The following SIAH3 variants were observed in gnomAD, a reference collection of about 807,000 sequenced individuals.
The protein encoded by SIAH3 is seven in absentia homolog 3.
A neutral mutation model predicts 12.6 loss-of-function variants in SIAH3; 9 were observed. The ratio of observed to expected loss-of-function variants is 0.72; its 90% CI spans 0.43 to 1.25. The LOEUF is 1.25. SIAH3 is among the 50% of genes most tolerant of loss of function. SIAH3 has a pLI of 0.00. For missense variants in SIAH3, 390 were observed against 365.4 expected (o/e 1.07, Z -0.55); for synonymous variants, 154 against 151.1 (o/e 1.02, Z -0.14).
At chr13:45,838,792 AGT>A (rs760611478) in intron 1 of SIAH3, among the ~76,000 whole-genome samples, 4 of 151,512 alleles carry the variant, frequency 2.6e-5, no homozygotes, top group Non-Finnish European at 5.9e-5. Context: ...CTCCTGCTTG[AGT>A]GTTTTTCTCC....
rs1950675615 is a variant in SIAH3 at position 45,826,385 on chromosome 13, A to AGG, written c.135+25109_135+25110insCC. Among the ~76,000 whole-genome samples the AGG allele has an allele frequency of 1.2e-3, 6 of 5,102 alleles. 3 individuals are homozygous for AGG. The highest frequency in any genetic ancestry group is 8.3e-3 in the Admixed American group (4 of 484). The allele number at this position is 5,102 out of a possible 152,430, so 3.3% of individuals were successfully genotyped here. ...GATGGATGGATGGATGAATGAATGG[A>AGG]TGGATGGATGGATGGATGGATGGAT... is the stretch of plus-strand genomic sequence containing the variant. On this transcript the variant is annotated intron_variant, in intron 1 of 1. Coordinates refer to ENST00000400405, the MANE Select transcript of SIAH3 (RefSeq NM_198849.3).
At chr13:45,824,794 C>T (rs1332021796) in intron 1 of SIAH3, among the ~76,000 whole-genome samples, 1 of 151,774 alleles carries the variant, frequency 6.6e-6, no homozygotes, top group African/African-American at 2.4e-5. Context: ...TGCTCTGAGC[C>T]TTATTCCTCA....
intron 1 of SIAH3, among the ~76,000 whole-genome samples, chr13:45,848,884 T>C (rs1382015459): frequency 6.6e-6 from 1 of 152,188 alleles, no homozygotes; most frequent in Non-Finnish European, 1.5e-5. Flanking sequence ...CAGGTTTTAT[T>C]TTTTTCCTTT....
intron 1 of SIAH3, among the ~76,000 whole-genome samples, chr13:45,796,970 C>A (rs1185076004): frequency 6.6e-6 from 1 of 152,160 alleles, no homozygotes; most frequent in Non-Finnish European, 1.5e-5. Context: ...AGGGAGAATT[C>A]CTGCCCCCAG....
chr13:45,843,511 T>C (rs1490321381), intron 1 of SIAH3, among the ~76,000 whole-genome samples: 2 of 152,210 alleles, frequency 1.3e-5, no homozygotes, highest in Non-Finnish European at 2.9e-5. Flanking sequence ...GCATGGCTCC[T>C]GGCTCTGTGA....
chr13:45,793,116 C>T (rs1255358329), intron 1 of SIAH3, among the ~76,000 whole-genome samples: 4 of 152,338 alleles, frequency 2.6e-5, no homozygotes, highest in Middle Eastern at 3.4e-3. Context: ...CCCGCCACCT[C>T]GGATAACCTC....
chr13:45,777,857 G>T lies in SIAH3; in HGVS notation c.*5526C>A, dbSNP rs559838966. 2 of 152,278 alleles carry T rather than the reference G, an allele frequency of 1.3e-5. 1 individual carries two copies. The highest frequency in any genetic ancestry group is 4.1e-4 in the South Asian group (2 of 4,822). The allele number at this position is 152,278 out of a possible 1,614,324, so 9.4% of individuals were successfully genotyped here. ...CCTCACTTCTTCCATCCCTTCCACT[G>T]AAACCACTGGGATCAGAGTAACTGA... is the stretch of plus-strand genomic sequence containing the variant. On this transcript the variant is annotated 3_prime_UTR_variant, in exon 2 of 2. Coordinates refer to ENST00000400405, the MANE Select transcript of SIAH3 (RefSeq NM_198849.3).
At chr13:45,833,485 ACACACACG>A (rs1950707025) in intron 1 of SIAH3, among the ~76,000 whole-genome samples, 4 of 144,086 alleles carry the variant, frequency 2.8e-5, no homozygotes, top group Middle Eastern at 3.4e-3. Context: ...ACATGCACAC[ACACACACG>A]CACACACACA....
At chr13:45,851,458 C>T (rs777635314) in intron 1 of SIAH3, 37 bp downstream of exon 1, 2 of 1,611,974 alleles carry the variant, frequency 1.2e-6, no homozygotes, top group African/African-American at 1.3e-5. Flanking sequence ...GGACTTGAAC[C>T]TGAGCCCGGT....
intron 1 of SIAH3, among the ~76,000 whole-genome samples, chr13:45,848,415 C>A (rs1174422949): frequency 2.0e-5 from 3 of 152,122 alleles, no homozygotes; most frequent in Non-Finnish European, 2.9e-5. Context: ...TTAGGGTGAG[C>A]TTCAGGGGTG....
chr13:45,850,866 A>G (rs1313663212), intron 1 of SIAH3, among the ~76,000 whole-genome samples: 1 of 151,736 alleles, frequency 6.6e-6, no homozygotes, highest in African/African-American at 2.4e-5. Flanking sequence ...CTGCTCCAGT[A>G]CACAGAGCGC....
chr13:45,838,649 T>C (rs73472573), intron 1 of SIAH3, among the ~76,000 whole-genome samples: 10,824 of 152,054 alleles, frequency 0.071, 694 homozygotes, highest in East Asian at 0.36. Context: ...GGCCTTTCCT[T>C]AGGTTTCCTT....
chr13:45,804,650 C>A (rs1346482812), intron 1 of SIAH3, among the ~76,000 whole-genome samples: 1 of 152,096 alleles, frequency 6.6e-6, no homozygotes, highest in Non-Finnish European at 1.5e-5. Flanking sequence ...TCCTTAAGAA[C>A]TGAAACACGA....
rs999896864 is a variant in SIAH3, at chr13:45,777,903, T to G, written c.*5480A>C. ...ACTGATGCACTATTGACCTTGAAGA[T>G]TCTGCCTGCTTCAATGGACTTAGCT... On this transcript the variant is annotated 3_prime_UTR_variant, in exon 2 of 2. Transcript: ENST00000400405. 14 of 152,214 alleles carry G rather than the reference T, an allele frequency of 9.2e-5. No homozygotes were observed. The highest frequency in any genetic ancestry group is 3.4e-4 in the African/African-American group (14 of 41,456). The allele number at this position is 152,214 out of a possible 1,614,324, so 9.4% of individuals were successfully genotyped here.
intron 1 of SIAH3, among the ~76,000 whole-genome samples, chr13:45,809,080 A>C (rs1950607814): frequency 6.6e-6 from 1 of 152,198 alleles, no homozygotes; most frequent in Non-Finnish European, 1.5e-5. Flanking sequence ...TCATAAAAGA[A>C]GTTGATGTGG....
chr13:45,783,493 A>T lies in SIAH3; in HGVS notation c.700T>A (p.Cys234Ser). The change falls in exon 2 of 2, where the codon TGC (cysteine) becomes AGC (serine). Residue 234 changes from cysteine to serine, a missense_variant. Coordinates refer to ENST00000400405, the MANE Select transcript of SIAH3 (RefSeq NM_198849.3). ...GCCAGCGAGGTGTTGAGGACGAGGC[A>T]GTCCCCGTCCGTAATCACCGAGTCC... ...CVDSVITDGD[C>S]LVLNTSLAQL... 1 of 1,614,188 alleles carries T rather than the reference A, an allele frequency of 6.2e-7. No individual in the cohort carries two copies. The highest frequency in any genetic ancestry group is 8.5e-7 in the Non-Finnish European group (1 of 1,180,036).
chr13:45,794,096 C>CTTT (rs11311084), intron 1 of SIAH3, among the ~76,000 whole-genome samples: 14,949 of 146,436 alleles, frequency 0.1, 930 homozygotes, highest in South Asian at 0.16. Context: ...CCTCCTGACA[C>CTTT]TTTTTTTTTT....
intron 1 of SIAH3, 119 bp downstream of exon 1, chr13:45,851,376 C>T (rs1411833801): frequency 7.3e-7 from 1 of 1,367,526 alleles, no homozygotes; most frequent in East Asian, 2.3e-5. Context: ...CAGACACCGT[C>T]CCAGCCCCCG....
At chr13:45,813,092 C>T (rs965342433) in intron 1 of SIAH3, among the ~76,000 whole-genome samples, 5 of 152,134 alleles carry the variant, frequency 3.3e-5, no homozygotes, top group African/African-American at 4.8e-5. Context: ...CCAGTGGGAA[C>T]GTGGTGAGCC....
Sources: gnomAD v4.1 joint callset for allele counts (sites outside exome capture counted in the v4.1 genomes callset) on GRCh38, gnomAD v4.1.1 for gene constraint, MANE v1.5 for transcripts, NCBI Gene and HGNC (gene_info 2026-07-23, HGNC 2026-07-21) for gene names.